GRIN2B: variants seen among roughly 807,000 people sequenced by gnomAD.
GRIN2B encodes glutamate ionotropic receptor NMDA type subunit 2B, also known as glutamate receptor ionotropic, NMDA 2B.
In GRIN2B, 5 loss-of-function variants were observed where a neutral mutation model predicts 114.5. The ratio of observed to expected loss-of-function variants is 0.04; its 90% CI spans 0.02 to 0.09. GRIN2B has a LOEUF of 0.09. Ranked by LOEUF, GRIN2B falls within the 10% of genes least tolerant of loss-of-function variation. GRIN2B has a pLI of 1.00. For missense variants in GRIN2B, 1,108 were observed against 1,943.5 expected (o/e 0.57, Z 8.08); for synonymous variants, 787 against 745.1 (o/e 1.06, Z -0.92).
chr12:13,656,788 G>A (rs985272347), intron 5 of GRIN2B, among the ~76,000 whole-genome samples: 2 of 152,162 alleles, frequency 1.3e-5, no homozygotes, highest in African/African-American at 4.8e-5. Flanking sequence ...CAGAACACTG[G>A]AAAATCTAAA....
At chr12:13,571,993 A>T in intron 10 of GRIN2B, 29 bp from the exon 11 acceptor site, 1 of 1,563,592 alleles carries the variant, frequency 6.4e-7, no homozygotes, top group Non-Finnish European at 8.8e-7. Context: ...ATAGAGACAG[A>T]GCGGGAGATG....
chr12:13,857,080 G>C (rs1865673899), intron 3 of GRIN2B, among the ~76,000 whole-genome samples: 1 of 152,124 alleles, frequency 6.6e-6, no homozygotes, highest in African/African-American at 2.4e-5. Flanking sequence ...AAAGTCCATT[G>C]GATTTGGCAC....
At chr12:13,811,332 G>A (rs943585673) in intron 3 of GRIN2B, among the ~76,000 whole-genome samples, 9 of 152,110 alleles carry the variant, frequency 5.9e-5, no homozygotes, top group Middle Eastern at 3.4e-3. Flanking sequence ...TTTTGGTTTC[G>A]GTTTACTTTA....
intron 4 of GRIN2B, among the ~76,000 whole-genome samples, chr12:13,681,069 C>A (rs1950127246): frequency 6.6e-6 from 1 of 152,094 alleles, no homozygotes; most frequent in East Asian, 1.9e-4. Flanking sequence ...CACGTTGATA[C>A]CCACAGCAAT....
chr12:13,806,771 A>G (rs1470543525), intron 3 of GRIN2B, among the ~76,000 whole-genome samples: 4 of 151,766 alleles, frequency 2.6e-5, no homozygotes, highest in Non-Finnish European at 5.9e-5. Flanking sequence ...TGCTTTGGGG[A>G]TCATATTTTT....
chr12:13,662,598 C>T (rs1949935356), intron 5 of GRIN2B, among the ~76,000 whole-genome samples: 1 of 152,110 alleles, frequency 6.6e-6, no homozygotes, highest in Non-Finnish European at 1.5e-5. Flanking sequence ...GACACAGGCT[C>T]CTTGAGGAAG....
At chr12:13,607,179 A>C (rs1374041411) in intron 10 of GRIN2B, among the ~76,000 whole-genome samples, 2 of 121,572 alleles carry the variant, frequency 1.6e-5, no homozygotes, top group Non-Finnish European at 3.2e-5. Context: ...AAATATATAT[A>C]ATAAATATAT....
chr12:13,880,791 G>A (rs1866059963), intron 2 of GRIN2B, among the ~76,000 whole-genome samples: 1 of 152,236 alleles, frequency 6.6e-6, no homozygotes, highest in East Asian at 1.9e-4. Context: ...GCTACTGCCT[G>A]CAACTGCCCT....
chr12:13,591,467 C>T (rs1207218674), intron 10 of GRIN2B, among the ~76,000 whole-genome samples: 1 of 152,172 alleles, frequency 6.6e-6, no homozygotes, highest in Non-Finnish European at 1.5e-5. Context: ...AAGTAGGTAA[C>T]ATTTTAATCC....
chr12:13,766,979 G>A (rs1027844559), intron 3 of GRIN2B, among the ~76,000 whole-genome samples: 2 of 152,146 alleles, frequency 1.3e-5, no homozygotes, highest in Admixed American at 6.5e-5. Flanking sequence ...AATGTTGGCC[G>A]GGCACGGTGG....
intron 4 of GRIN2B, among the ~76,000 whole-genome samples, chr12:13,694,664 TATA>T (rs1362667802): frequency 1.8e-5 from 1 of 55,030 alleles, no homozygotes; most frequent in African/African-American, 4.8e-5. Context: ...GTCATATATA[TATA>T]TATATATATA....
At chr12:13,690,371 T>TCA (rs758499146) in intron 4 of GRIN2B, among the ~76,000 whole-genome samples, 12 of 87,584 alleles carry the variant, frequency 1.4e-4, no homozygotes, top group East Asian at 7.7e-4. Flanking sequence ...TCTCTCTCTC[T>TCA]CTCACACACA....
chr12:13,827,238 T>TTTC (rs1371971200), intron 3 of GRIN2B, among the ~76,000 whole-genome samples: 1 of 149,852 alleles, frequency 6.7e-6, no homozygotes, highest in East Asian at 1.9e-4. Flanking sequence ...TCTTTTTTTT[T>TTTC]TTTTTTTGAG....
intron 2 of GRIN2B, among the ~76,000 whole-genome samples, chr12:13,879,968 C>T (rs1005982535): frequency 3.3e-5 from 5 of 152,226 alleles, no homozygotes; most frequent in Non-Finnish European, 5.9e-5. Context: ...CTCAAAAGTC[C>T]AATGAACCAA....
intron 3 of GRIN2B, among the ~76,000 whole-genome samples, chr12:13,855,572 A>C (rs7297313): frequency 0.21 from 31,946 of 152,014 alleles, 3,913 homozygotes; most frequent in African/African-American, 0.34. Context: ...TGCCTCTTCC[A>C]GTTTCTGGCG....
chr12:13,572,228 C>T (rs1383112283), intron 10 of GRIN2B, among the ~76,000 whole-genome samples: 1 of 152,140 alleles, frequency 6.6e-6, no homozygotes, highest in East Asian at 1.9e-4. Flanking sequence ...TAATCTATAA[C>T]CCTTCTATGT....
intron 2 of GRIN2B, among the ~76,000 whole-genome samples, chr12:13,912,705 A>G (rs1162418559): frequency 6.6e-6 from 1 of 152,160 alleles, no homozygotes; most frequent in Non-Finnish European, 1.5e-5. Flanking sequence ...CAGTATGACT[A>G]GACCTTTAAG....
intron 5 of GRIN2B, among the ~76,000 whole-genome samples, chr12:13,649,000 C>T (rs1452399553): frequency 6.6e-6 from 1 of 151,958 alleles, no homozygotes; most frequent in Non-Finnish European, 1.5e-5. Context: ...GCACAATGGA[C>T]AAAAATACTG....
chr12:13,596,460 G>T (rs755962722), intron 10 of GRIN2B, among the ~76,000 whole-genome samples: 1 of 152,080 alleles, frequency 6.6e-6, no homozygotes, highest in Non-Finnish European at 1.5e-5. Context: ...CACTGCTCTT[G>T]CTCTATTTCC....
Sources: allele counts gnomAD v4.1 joint callset (sites outside exome capture counted in the v4.1 genomes callset), GRCh38; gene constraint gnomAD v4.1.1; transcripts MANE v1.5; gene names NCBI Gene and HGNC (gene_info 2026-07-23, HGNC 2026-07-21).